SYNE1: variants seen among roughly 807,000 people sequenced by gnomAD.
SYNE1 encodes the protein nesprin-1.
A neutral mutation model predicts 1,111.0 loss-of-function variants in SYNE1; 616 were observed. The ratio of observed to expected loss-of-function variants is 0.55; its 90% confidence interval spans 0.52 to 0.59. The LOEUF (loss-of-function observed/expected upper bound fraction) is 0.59. Ranked by LOEUF, SYNE1 falls within the 20% of genes least tolerant of loss-of-function variation. SYNE1 has a pLI of 0.00. For missense variants in SYNE1, 10,006 were observed against 10,417.0 expected, an observed-to-expected ratio of 0.96 and a Z score of 1.72; for synonymous variants, 3,855 against 3,825.8, an observed-to-expected ratio of 1.01 and a Z score of -0.28.
chr6:152,325,151 G>C lies in SYNE1; in HGVS notation c.15590C>G (p.Ala5197Gly), dbSNP rs564094513. The change falls in exon 81 of 146, where the codon GCT becomes GGT. Residue 5197 changes from alanine to glycine, a missense_variant. Around this residue, in one of 7 missense-constraint regions of SYNE1, gnomAD observed 4,955 missense variants for 5,017.2 expected, o/e 0.99. Transcript: ENST00000367255. ...TVWQRWTRLRAVAQDQEKILE... is the reference protein window; with the variant it reads ...TVWQRWTRLRGVAQDQEKILE... ...GATCTTCTCCTGGTCCTGGGCCACA[G>C]CTCGAAGGCGTGTCCAGCGCTGCCA... 1 of 1,614,094 alleles carries C rather than the reference G, an allele frequency of 6.2e-7. No homozygotes were observed. The highest frequency in any genetic ancestry group is 8.5e-7 in the Non-Finnish European group (1 of 1,180,044).
intron 11 of SYNE1, among the ~76,000 whole-genome samples, chr6:152,496,594 A>C (rs1488849640): frequency 6.6e-6 from 1 of 152,074 alleles, no homozygotes; most frequent in African/African-American, 2.4e-5. Context: ...CCCTTACCCC[A>C]AAATCTTTCT....
chr6:152,140,239 G>A, intron 139 of SYNE1, 78 bp from the exon 140 acceptor site: 1 of 1,467,474 alleles, frequency 6.8e-7, no homozygotes, highest in Non-Finnish European at 9.5e-7. Flanking sequence ...ACATAGGTTG[G>A]CAGCCAATTT....
intron 127 of SYNE1, among the ~76,000 whole-genome samples, chr6:152,193,885 T>C (rs959657647): frequency 5.8e-4 from 88 of 151,544 alleles, no homozygotes; most frequent in Middle Eastern, 6.8e-3. Context: ...TGGTGGTGGG[T>C]GCCTGTAGTC....
chr6:152,450,882 A>T (rs1411324372), intron 26 of SYNE1, 49 bp from the exon 27 acceptor site: 1 of 1,594,736 alleles, frequency 6.3e-7, no homozygotes, highest in Admixed American at 1.7e-5. Context: ...GCCACACAGT[A>T]CTTCTACATT....
chr6:152,485,972 G>A lies in SYNE1; in HGVS notation c.1048-1000C>T, dbSNP rs193115204. 2.5e-3 allele frequency among the ~76,000 whole-genome samples: 377 copies of A among 152,184 alleles called. 1 individual carries two copies. The highest frequency in any genetic ancestry group is 8.8e-3 in the African/African-American group (366 of 41,546). On this transcript the variant is annotated intron_variant, in intron 12 of 145. Coordinates refer to ENST00000367255, the MANE Select transcript of SYNE1 (RefSeq NM_182961.4). ...AGCACTTTTGGAGATCGAGGCGGGC[G>A]GATCATGAGGTCAAGAGATTGAGAT...
At chr6:152,134,779 G>T in intron 142 of SYNE1, 1 of 300,900 alleles carries the variant, frequency 3.3e-6, no homozygotes. Flanking sequence ...ATATACTTTT[G>T]GGCCATAGAT....
intron 3 of SYNE1, among the ~76,000 whole-genome samples, chr6:152,586,340 T>G (rs1439335789): frequency 6.6e-6 from 1 of 152,188 alleles, no homozygotes; most frequent in East Asian, 1.9e-4. Flanking sequence ...GTCTTTCAAT[T>G]TAGTCCAAGT....
chr6:152,152,889 C>CAA (rs2060703422), intron 133 of SYNE1, among the ~76,000 whole-genome samples: 1 of 152,108 alleles, frequency 6.6e-6, no homozygotes, highest in Admixed American at 6.5e-5. Context: ...ATCCCAGGGT[C>CAA]AGTTTAGAGA....
intron 53 of SYNE1, among the ~76,000 whole-genome samples, chr6:152,388,941 T>C (rs1205528249): frequency 6.6e-6 from 1 of 152,248 alleles, no homozygotes; most frequent in Admixed American, 6.5e-5. Context: ...CAGCAGTCTA[T>C]GATATAGAGT....
chr6:152,403,928 T>A (rs954305387), intron 46 of SYNE1, among the ~76,000 whole-genome samples: 1 of 152,044 alleles, frequency 6.6e-6, no homozygotes, highest in Non-Finnish European at 1.5e-5. Context: ...ATTAATATTT[T>A]GACTCCCATG....
At position 152,520,540 on chromosome 6, in the gene SYNE1, A is replaced by G. The variant is rs1377937955; in HGVS notation, c.228T>C (p.Pro76=). The change falls in exon 6 of 146, where the codon CCT becomes CCC. Residue 76 remains proline, a splice_region_variant and synonymous_variant. Coordinates refer to ENST00000367255, the MANE Select transcript of SYNE1 (RefSeq NM_182961.4). The stretch of plus-strand genomic sequence containing the variant: ...GCTTCATCCGGCGTCCTTGTTCACA[A>G]GGCTGTAAAAAGTGGGGTAAAAAAG... The part of the protein sequence containing the change: ...LLEVLSGQKL[P]CEQGRRMKRI... 1 of 1,613,660 alleles carries G rather than the reference A, an allele frequency of 6.2e-7. No homozygotes were observed. The highest frequency in any genetic ancestry group is 8.5e-7 in the Non-Finnish European group (1 of 1,179,668).
chr6:152,582,567 T>C (rs2099523975), intron 3 of SYNE1, among the ~76,000 whole-genome samples: 2 of 151,428 alleles, frequency 1.3e-5, no homozygotes, highest in South Asian at 4.1e-4. Flanking sequence ...TTTACATATA[T>C]ATAAATAAAT....
intron 72 of SYNE1, among the ~76,000 whole-genome samples, chr6:152,348,074 C>G (rs1486999038): frequency 1.3e-5 from 2 of 152,078 alleles, no homozygotes; most frequent in African/African-American, 4.8e-5. Flanking sequence ...AATGTAATAT[C>G]TAATTTTTAA....
chr6:152,251,215 T>G lies in SYNE1; in HGVS notation c.19471-1953A>C, dbSNP rs909981608. On this transcript the variant is annotated intron_variant, in intron 104 of 145. Transcript: ENST00000367255. ...ATCCACCTGCCTCAGCCTCCCAAAG[T>G]GCTGGGATTACAGGCGTGAGCCACC... Among the ~76,000 whole-genome samples, 15 of 152,070 alleles carry G rather than the reference T, an allele frequency of 9.9e-5. No homozygotes were observed. In the South Asian group the frequency reaches 2.9e-3, roughly 29 times the overall value.
At position 152,458,877 on chromosome 6, in the gene SYNE1, C is replaced by T. The variant is rs375111758; in HGVS notation, c.2448G>A (p.Pro816=). 58 of 1,613,996 alleles carry T rather than the reference C, an allele frequency of 3.6e-5. No homozygotes were observed. Among genetic ancestry groups the T allele is most frequent in the African/African-American group, 1.6e-4 (12 of 75,010 alleles). The change falls in exon 22 of 146, where the codon CCG becomes CCA. Residue 816 remains proline, a synonymous_variant. Coordinates refer to ENST00000367255, the MANE Select transcript of SYNE1 (RefSeq NM_182961.4). ...TCATCTGCTTTTCTAATTCCTCCAA[C>T]GGAATCAACAGCTGCTGAGACTCAT... ...LLYESQQLLI[P]LEELEKQMTS... is the part of the protein sequence containing the mutation.
chr6:152,328,941 A>C (rs985507959), intron 78 of SYNE1, among the ~76,000 whole-genome samples: 1 of 152,190 alleles, frequency 6.6e-6, no homozygotes, highest in Non-Finnish European at 1.5e-5. Flanking sequence ...ACCCCACAAA[A>C]ATGTGGCTTA....
intron 14 of SYNE1, among the ~76,000 whole-genome samples, chr6:152,475,560 T>C (rs767894673): frequency 6.6e-6 from 1 of 152,220 alleles, no homozygotes; most frequent in South Asian, 2.1e-4. Flanking sequence ...AAACCATCTA[T>C]AATTAATTGC....
chr6:152,599,302 C>T (rs530648089), intron 3 of SYNE1, among the ~76,000 whole-genome samples: 1 of 152,312 alleles, frequency 6.6e-6, no homozygotes. Context: ...GAAGAATGCT[C>T]TTTGTGCAGT....
chr6:152,474,355 A>C (rs1355396306), intron 14 of SYNE1, among the ~76,000 whole-genome samples: 1 of 152,140 alleles, frequency 6.6e-6, no homozygotes, highest in Non-Finnish European at 1.5e-5. Flanking sequence ...GTAAAACATG[A>C]CCCAAAAACT....
Sources: allele counts gnomAD v4.1 joint callset (sites outside exome capture counted in the v4.1 genomes callset), GRCh38; gene constraint gnomAD v4.1.1; regional missense constraint gnomAD v4.1.1; transcripts MANE v1.5; gene names NCBI Gene and HGNC (gene_info 2026-07-23, HGNC 2026-07-21).